MLLT1: variants seen among roughly 807,000 people sequenced by gnomAD.
MLLT1 encodes the protein MLLT1 super elongation complex subunit, also known as protein ENL.
In MLLT1, 11 loss-of-function variants were observed where a neutral mutation model predicts 55.1. The observed-to-expected ratio is 0.20, with a 90% confidence interval of 0.13 to 0.33. The LOEUF is 0.33. Ranked by LOEUF, MLLT1 falls within the 10% of genes least tolerant of loss-of-function variation. The pLI is 1.00. For synonymous variants in MLLT1, 323 were observed against 320.1 expected, an observed-to-expected ratio of 1.01 and a Z score of -0.10; for missense variants, 536 against 760.6, an observed-to-expected ratio of 0.70 and a Z score of 3.47.
chr19:6,264,970 A>G (rs370954548), intron 2 of MLLT1, among the ~76,000 whole-genome samples: 3 of 150,586 alleles, frequency 2.0e-5, no homozygotes, highest in East Asian at 3.9e-4. Context: ...GAAACTGTCA[A>G]ATAAATAGAA....
At position 6,214,027 on chromosome 19, in the gene MLLT1, C is replaced by T; in HGVS notation, c.1319G>A (p.Ser440Asn). 1 of 1,447,648 alleles carries T rather than the reference C, an allele frequency of 6.9e-7. No individual in the cohort carries two copies. The highest frequency in any genetic ancestry group is 9.1e-7 in the Non-Finnish European group (1 of 1,102,120). The allele number at this position is 1,447,648 out of a possible 1,614,324, so 89.7% of individuals were successfully genotyped here. Residue 440 changes from serine (S) to asparagine (N), a missense_variant, in exon 9 of 12, where the codon AGC becomes AAC. By Grantham distance (46) the Ser-to-Asn change is conservative (BLOSUM62 1). Coordinates refer to ENST00000252674, the MANE Select transcript of MLLT1 (RefSeq NM_005934.4). ...NPGRDSRLSF[S>N]DSESDNSADS... is the part of the protein sequence containing the mutation. The stretch of plus-strand genomic sequence containing the variant: ...GGCGCTGTTGTCACTCTCGCTGTCG[C>T]TGAAGCTCAACCTGAACCGACACAC...
intron 2 of MLLT1, among the ~76,000 whole-genome samples, chr19:6,269,610 C>A (rs1275819715): frequency 6.6e-6 from 1 of 152,204 alleles, no homozygotes; most frequent in Non-Finnish European, 1.5e-5. Context: ...AAACCACTTA[C>A]AGGCTCAGGG....
intron 1 of MLLT1, among the ~76,000 whole-genome samples, chr19:6,277,397 G>C (rs1235015414): frequency 6.6e-6 from 1 of 152,222 alleles, no homozygotes; most frequent in African/African-American, 2.4e-5. Flanking sequence ...TGCATTGCCC[G>C]ACAGGGTGGT....
chr19:6,236,658 C>A (rs765989000), intron 3 of MLLT1, among the ~76,000 whole-genome samples: 1 of 152,166 alleles, frequency 6.6e-6, no homozygotes, highest in Non-Finnish European at 1.5e-5. Flanking sequence ...AATGACTAAA[C>A]GGCATGCCCT....
intron 1 of MLLT1, among the ~76,000 whole-genome samples, chr19:6,271,954 C>G (rs60158934): frequency 0.015 from 2,306 of 152,356 alleles, 65 homozygotes; most frequent in African/African-American, 0.05. Context: ...CATTTCGAGG[C>G]CCCGTTCAGA....
intron 3 of MLLT1, among the ~76,000 whole-genome samples, chr19:6,251,816 T>A (rs969257802): frequency 1.3e-5 from 2 of 151,410 alleles, no homozygotes; most frequent in Admixed American, 1.3e-4. Flanking sequence ...TAGCTGGGCA[T>A]GGTGACATGC....
At chr19:6,249,968 C>G (rs994613856) in intron 3 of MLLT1, among the ~76,000 whole-genome samples, 2 of 151,974 alleles carry the variant, frequency 1.3e-5, no homozygotes, top group Non-Finnish European at 2.9e-5. Flanking sequence ...CTGCAATGAG[C>G]TGTTATTACA....
Position 6,216,528 on chromosome 19 carries a change from C to T in MLLT1, c.1199-15G>A, listed in dbSNP as rs771987855. 1 of 1,532,444 alleles carries T rather than the reference C, an allele frequency of 6.5e-7. No homozygotes were observed. The highest frequency in any genetic ancestry group is 1.2e-5 in the South Asian group (1 of 85,136). 94.9% of individuals were successfully genotyped at this position (1,532,444 alleles called of 1,614,324 possible). A position where few individuals can be genotyped will look rare whatever the true frequency, so the allele number is the denominator to read the frequency against. ...GCGCAGGGGTCCTGGGGAGGCGGGGCAGGGAGGGAGGGGAGACAAGGGCAG... is the reference window on the plus strand; with the variant it reads ...GCGCAGGGGTCCTGGGGAGGCGGGGTAGGGAGGGAGGGGAGACAAGGGCAG... On this transcript the variant is annotated splice_polypyrimidine_tract_variant and intron_variant, in intron 7 of 11. Transcript: ENST00000252674.
intron 1 of MLLT1, among the ~76,000 whole-genome samples, chr19:6,274,652 G>C (rs935035504): frequency 2.6e-5 from 4 of 151,986 alleles, no homozygotes; most frequent in Non-Finnish European, 5.9e-5. Flanking sequence ...CCGGGGGGCT[G>C]TGGTCTCAGG....
chr19:6,223,367 G>A (rs572430628), intron 5 of MLLT1, among the ~76,000 whole-genome samples: 1 of 152,194 alleles, frequency 6.6e-6, no homozygotes, highest in Non-Finnish European at 1.5e-5. Flanking sequence ...CTAAAACACC[G>A]AGGACATTCC....
chr19:6,220,793 A>G (rs1313577816), intron 6 of MLLT1, among the ~76,000 whole-genome samples: 1 of 152,198 alleles, frequency 6.6e-6, no homozygotes, highest in Admixed American at 6.5e-5. Context: ...GTTGCTGCAC[A>G]GGCAGAGAAG....
At chr19:6,243,178 G>A (rs1568286494) in intron 3 of MLLT1, among the ~76,000 whole-genome samples, 1 of 152,226 alleles carries the variant, frequency 6.6e-6, no homozygotes, top group Non-Finnish European at 1.5e-5. Flanking sequence ...AAGCGGTAAA[G>A]CTGAAAGAGA....
rs368351416 is a variant in MLLT1 at position 6,219,812 on chromosome 19, C to T, written c.1111-1771G>A. On this transcript the variant is annotated intron_variant, in intron 6 of 11. Coordinates refer to ENST00000252674, the MANE Select transcript of MLLT1 (RefSeq NM_005934.4). This position sits in a 1 kb window ranked among gnomAD's most constrained non-coding sequence, Gnocchi z 4.5. ...TGGAAGCAGAGAGGATGCTGAGCCC[C>T]GAGAGGCCCCCAAGCCTGTCCTGGC... Among the ~76,000 whole-genome samples, 36 of 152,242 alleles carry T rather than the reference C, an allele frequency of 2.4e-4. No individual in the cohort carries two copies. The highest frequency in any genetic ancestry group is 8.0e-4 in the African/African-American group (33 of 41,458).
At chr19:6,218,580 C>T (rs747369673) in intron 6 of MLLT1, among the ~76,000 whole-genome samples, 3 of 152,180 alleles carry the variant, frequency 2.0e-5, no homozygotes, top group Non-Finnish European at 2.9e-5. Context: ...GAAGAGCGTG[C>T]GTGCACAGGG....
At position 6,213,324 on chromosome 19, in the gene MLLT1, A is replaced by AG. The variant is rs779338878; in HGVS notation, c.1551+12dup. ...CCGACCTCTGCCGGGCAGGACCCTC[A>AG]GGGGGGCGATACCTGCTGCAGCACG... On this transcript the variant is annotated intron_variant, in intron 11 of 11. Coordinates refer to ENST00000252674, the MANE Select transcript of MLLT1 (RefSeq NM_005934.4). The AG allele has an allele frequency of 3.1e-6, 5 of 1,611,878 alleles. No homozygotes were observed. The highest frequency in any genetic ancestry group is 2.2e-5 in the East Asian group (1 of 44,850).
intron 1 of MLLT1, among the ~76,000 whole-genome samples, chr19:6,275,968 G>C (rs970576689): frequency 6.6e-6 from 1 of 152,186 alleles, no homozygotes; most frequent in African/African-American, 2.4e-5. Flanking sequence ...AGGAGCCTTG[G>C]TGGACTTTTT....
At position 6,235,476 on chromosome 19, in the gene MLLT1, C is replaced by T. The variant is rs2091051390; in HGVS notation, c.277-4763G>A. ...ACAAAGCAGCCTGGGCTAAGAAGGG[C>T]ACCTGGGGAGGCGCAGCCAGACGGT... is the stretch of plus-strand genomic sequence containing the variant. On this transcript the variant is annotated intron_variant, in intron 3 of 11. Coordinates refer to ENST00000252674, the MANE Select transcript of MLLT1 (RefSeq NM_005934.4). This position sits in a 1 kb window ranked among gnomAD's most constrained non-coding sequence, Gnocchi z 5.5. Among the ~76,000 whole-genome samples, 2 of 152,200 alleles carry T rather than the reference C, an allele frequency of 1.3e-5. No individual in the cohort carries two copies. The highest frequency in any genetic ancestry group is 2.9e-5 in the Non-Finnish European group (2 of 68,018).
intron 8 of MLLT1, 123 bp downstream of exon 8, chr19:6,216,282 G>C: frequency 2.8e-6 from 2 of 709,466 alleles, no homozygotes; most frequent in East Asian, 5.4e-5. Context: ...ATGGATCCCT[G>C]CTTTGGCCCT....
At chr19:6,247,143 T>C (rs1286171764) in intron 3 of MLLT1, among the ~76,000 whole-genome samples, 4 of 152,148 alleles carry the variant, frequency 2.6e-5, no homozygotes, top group Admixed American at 2.6e-4. Context: ...AACGTACGTT[T>C]GTTTTCATAT....
Sources: gnomAD v4.1 joint callset for allele counts (sites outside exome capture counted in the v4.1 genomes callset) on GRCh38, gnomAD v4.1.1 for gene constraint, Gnocchi (gnomAD v3.1) non-coding constraint, MANE v1.5 for transcripts, NCBI Gene and HGNC (gene_info 2026-07-23, HGNC 2026-07-21) for gene names.